Variants in C2orf92 observed in about 807,000 individuals in gnomAD.
The protein encoded by C2orf92 is chromosome 2 open reading frame 92, also known as uncharacterized protein C2orf92.
chr2:97,695,927 G>A (rs1455019847), intron 5 of C2orf92, among the ~76,000 whole-genome samples: 1 of 152,046 alleles, frequency 6.6e-6, no homozygotes, highest in African/African-American at 2.4e-5. Flanking sequence ...GTCTTGCCTA[G>A]CAAGACAGGT....
intron 5 of C2orf92, among the ~76,000 whole-genome samples, chr2:97,696,108 T>C (rs1054440165): frequency 6.6e-6 from 1 of 152,232 alleles, no homozygotes; most frequent in Non-Finnish European, 1.5e-5. Context: ...AGCTCACAGC[T>C]CTTAGGAGAG....
chr2:97,689,132 C>T, intron 4 of C2orf92, 139 bp downstream of exon 4: 1 of 395,506 alleles, frequency 2.5e-6, no homozygotes, highest in Non-Finnish European at 4.5e-6. Flanking sequence ...ATGAAGGAAA[C>T]AACTGTCTGA....
intron 6 of C2orf92, among the ~76,000 whole-genome samples, chr2:97,699,931 G>A (rs1271763889): frequency 6.6e-6 from 1 of 152,234 alleles, no homozygotes; most frequent in Non-Finnish European, 1.5e-5. Flanking sequence ...GGCTGGACAT[G>A]CCCTGTTTTC....
intron 3 of C2orf92, among the ~76,000 whole-genome samples, chr2:97,685,608 G>A (rs1675934896): frequency 1.3e-5 from 2 of 151,424 alleles, no homozygotes; most frequent in Admixed American, 6.6e-5. Flanking sequence ...TGTCACCCAG[G>A]CTGGAGGGCA....
rs942588456 is a variant in C2orf92 at position 97,688,979 on chromosome 2, C to T, written c.317C>T (p.Thr106Ile). ...ACAGCAGTCAGATCCATTACAAAGACAGACATGAGAAAAGGCAAGTGTATG... is the reference window on the plus strand; with the variant it reads ...ACAGCAGTCAGATCCATTACAAAGATAGACATGAGAAAAGGCAAGTGTATG... ...EATAVRSITK[T>I]DMRKGTSIAW... is the part of the protein sequence containing the mutation. The change falls in exon 4 of 8, where the codon ACA becomes ATA. Residue 106 changes from threonine to isoleucine, a missense_variant. Thr to Ile is a moderately conservative substitution (Grantham distance 89). Coordinates refer to ENST00000627399, the MANE Select transcript of C2orf92 (RefSeq NM_001351368.2). 2.5e-6 allele frequency: 1 copy of T among 398,564 alleles called. No homozygotes were observed. The highest frequency in any genetic ancestry group is 2.1e-5 in the African/African-American group (1 of 48,732). The allele number at this position is 398,564 out of a possible 1,614,324, so 24.7% of individuals were successfully genotyped here.
intron 3 of C2orf92, among the ~76,000 whole-genome samples, chr2:97,681,106 C>CAAAAAA (rs58856044): frequency 3.3e-4 from 4 of 11,966 alleles, no homozygotes; most frequent in Non-Finnish European, 5.0e-4. Context: ...GACTCCATCT[C>CAAAAAA]AAAAAAAAAA....
chr2:97,686,969 G>A (rs1389661077), intron 3 of C2orf92, among the ~76,000 whole-genome samples: 2 of 151,888 alleles, frequency 1.3e-5, no homozygotes, highest in African/African-American at 4.8e-5. Flanking sequence ...AGTGAGCTGA[G>A]ACTGCACCAC....
intron 5 of C2orf92, among the ~76,000 whole-genome samples, chr2:97,691,682 G>A (rs1042995113): frequency 6.6e-6 from 1 of 152,200 alleles, no homozygotes; most frequent in Non-Finnish European, 1.5e-5. Context: ...TGCATCAGCC[G>A]GAGGTCAGGG....
At chr2:97,683,538 TAA>T (rs35099683) in intron 3 of C2orf92, among the ~76,000 whole-genome samples, 11 of 138,342 alleles carry the variant, frequency 8.0e-5, no homozygotes, top group South Asian at 4.8e-4. Flanking sequence ...TGGTATCTAT[TAA>T]AAAAAAAAAA....
rs112253073 is a variant in C2orf92 at position 97,701,224 on chromosome 2, C to T, written c.585C>T (p.Ala195=). 8 of 399,088 alleles carry T rather than the reference C, an allele frequency of 2.0e-5. No homozygotes were observed. Among genetic ancestry groups the T allele is most frequent in the South Asian group, 1.3e-4 (1 of 7,854 alleles). 24.7% of individuals were successfully genotyped at this position (399,088 alleles called of 1,614,324 possible). The change falls in exon 7 of 8, where the codon GCC becomes GCT. Residue 195 remains alanine (A), a synonymous_variant. Coordinates refer to ENST00000627399, the MANE Select transcript of C2orf92 (RefSeq NM_001351368.2). ...TGCAGAGGAACACCATCATCGCCGC[C>T]GTCTCAGGGGTGGCCATCCTCATGG... is the stretch of plus-strand genomic sequence containing the variant. ...HFLQRNTIIA[A]VSGVAILMAI...
intron 5 of C2orf92, among the ~76,000 whole-genome samples, chr2:97,690,772 G>GT (rs796474677): frequency 0.03 from 3,584 of 120,824 alleles, 85 homozygotes; most frequent in African/African-American, 0.078. Flanking sequence ...GAGAGTACTT[G>GT]TTTTTTTTTT....
At position 97,691,669 on chromosome 2, in the gene C2orf92, C is replaced by T. The variant is rs554642230; in HGVS notation, c.403+1342C>T. ...CCTGGCCAGGAGTTCCCGGGCCGCA[C>T]CATGCATCAGCCGGAGGTCAGGGTG... On this transcript the variant is annotated intron_variant, in intron 5 of 7. Transcript: ENST00000627399. Among the ~76,000 whole-genome samples, 4 of 152,308 alleles carry T rather than the reference C, an allele frequency of 2.6e-5. No homozygotes were observed. In the East Asian group the frequency reaches 5.8e-4, roughly 22 times the overall value.
intron 3 of C2orf92, among the ~76,000 whole-genome samples, chr2:97,688,653 A>G (rs949134970): frequency 6.6e-6 from 1 of 152,120 alleles, no homozygotes; most frequent in Non-Finnish European, 1.5e-5. Flanking sequence ...ATCTGGGGCC[A>G]TATATCTTTA....
At chr2:97,684,457 A>G (rs1301333926) in intron 3 of C2orf92, among the ~76,000 whole-genome samples, 1 of 152,238 alleles carries the variant, frequency 6.6e-6, no homozygotes, top group East Asian at 1.9e-4. Context: ...TCATTACCTT[A>G]TACCATATAC....
chr2:97,671,890 C>T (rs1675428397), intron 1 of C2orf92: 1 of 168,438 alleles, frequency 5.9e-6, no homozygotes, highest in South Asian at 2.0e-4. Context: ...ACAATTGAGA[C>T]ATTCCACACA....
At chr2:97,684,397 A>G (rs1675884749) in intron 3 of C2orf92, among the ~76,000 whole-genome samples, 1 of 152,196 alleles carries the variant, frequency 6.6e-6, no homozygotes, top group Admixed American at 6.5e-5. Flanking sequence ...TCTCTTCGAC[A>G]AATGGTCCTG....
rs138630707 is a variant in C2orf92 at position 97,684,514 on chromosome 2, T to C, written c.233-4381T>C. Among the ~76,000 whole-genome samples, 4 of 152,322 alleles carry C rather than the reference T, an allele frequency of 2.6e-5. 1 individual carries two copies. In the South Asian group the frequency reaches 6.2e-4, roughly 24 times the overall value. ...GATCTAAATTAATGAGCTTAAACTA[T>C]TAGTCTCTTAGAAGTAAACATAGGT... On this transcript the variant is annotated intron_variant, in intron 3 of 7. Coordinates refer to ENST00000627399, the MANE Select transcript of C2orf92 (RefSeq NM_001351368.2).
At chr2:97,671,462 T>G (rs1675409886) in intron 1 of C2orf92, 1 of 398,544 alleles carries the variant, frequency 2.5e-6, no homozygotes, top group East Asian at 3.6e-5. Context: ...TTTCCTCAAA[T>G]TCAAAAAATC....
At chr2:97,683,237 A>G (rs1040293361) in intron 3 of C2orf92, among the ~76,000 whole-genome samples, 2 of 152,196 alleles carry the variant, frequency 1.3e-5, no homozygotes, top group Admixed American at 6.5e-5. Context: ...AGATATGAGA[A>G]CAATTAATTC....
Sources: gnomAD v4.1 joint callset for allele counts (sites outside exome capture counted in the v4.1 genomes callset) on GRCh38, gnomAD v4.1.1 for gene constraint, MANE v1.5 for transcripts, NCBI Gene and HGNC (gene_info 2026-07-23, HGNC 2026-07-21) for gene names.